KPNA5: variants seen among roughly 807,000 people sequenced by gnomAD.
KPNA5 encodes importin subunit alpha-6.
A neutral mutation model predicts 71.3 loss-of-function variants in KPNA5; 46 were observed. The observed-to-expected ratio is 0.65, with a 90% CI of 0.51 to 0.83. The LOEUF is 0.83. Ranked by LOEUF, KPNA5 falls within the 40% of genes least tolerant of loss-of-function variation. The pLI, the probability that KPNA5 is intolerant of heterozygous loss-of-function variation, is 0.00. For missense variants in KPNA5, 547 were observed against 628.3 expected (o/e 0.87, Z 1.38); for synonymous variants, 207 against 201.4 (o/e 1.03, Z -0.24).
chr6:116,718,644 G>A (rs1356219727), intron 8 of KPNA5, among the ~76,000 whole-genome samples: 2 of 151,984 alleles, frequency 1.3e-5, no homozygotes, highest in Non-Finnish European at 2.9e-5. Context: ...GTTTACTTAT[G>A]TGTTCCAAAC....
In KPNA5 at chr6:116,740,332, A is replaced by C. The variant is rs1779826508; in HGVS notation, c.*8009A>C. The C allele has an allele frequency of 6.6e-6, 1 of 152,314 alleles. No individual in the cohort carries two copies. The highest frequency in any genetic ancestry group is 2.4e-5 in the African/African-American group (1 of 41,576). The allele number at this position is 152,314 out of a possible 1,614,324, so 9.4% of individuals were successfully genotyped here. A position where few individuals can be genotyped will look rare whatever the true frequency, so the allele number is the denominator to read the frequency against. On this transcript the variant is annotated 3_prime_UTR_variant, in exon 14 of 14. Coordinates refer to ENST00000368564, the MANE Select transcript of KPNA5 (RefSeq NM_001366306.2). ...CCAGTCAGAATGGCAATCATTAAAA[A>C]GTCAGGAAACAACAGGTGCTGGAGA...
chr6:116,683,840 A>G (rs1191878248), intron 1 of KPNA5, among the ~76,000 whole-genome samples: 1 of 131,682 alleles, frequency 7.6e-6, no homozygotes, highest in Non-Finnish European at 1.6e-5. Context: ...CTTGTGATCC[A>G]CCTGCCTCGG....
At chr6:116,694,090 G>A (rs1207530821) in intron 4 of KPNA5, among the ~76,000 whole-genome samples, 1 of 152,010 alleles carries the variant, frequency 6.6e-6, no homozygotes, top group African/African-American at 2.4e-5. Context: ...TGTTCCATTG[G>A]TCTATATCTC....
Position 116,692,275 on chromosome 6 carries a change from T to C in KPNA5, c.241-18T>C. On this transcript the variant is annotated intron_variant, in intron 3 of 13. Transcript: ENST00000368564. ...AAAATATGTAAATGTTAATTATATT[T>C]TTGTGTGTGTGTTTTAGGAAGAAGT... The C allele has an allele frequency of 6.6e-7, 1 of 1,505,596 alleles. No homozygotes were observed. Among genetic ancestry groups the C allele is most frequent in the Non-Finnish European group, 9.1e-7 (1 of 1,097,008 alleles). 93.3% of individuals were successfully genotyped at this position (1,505,596 alleles called of 1,614,324 possible). A position where few individuals can be genotyped will look rare whatever the true frequency, so the allele number is the denominator to read the frequency against.
intron 4 of KPNA5, among the ~76,000 whole-genome samples, chr6:116,695,995 C>T (rs1778013054): frequency 6.6e-6 from 1 of 152,082 alleles, no homozygotes; most frequent in Admixed American, 6.6e-5. Context: ...TTCTTACCCC[C>T]ATTCTAGGAA....
intron 12 of KPNA5, among the ~76,000 whole-genome samples, chr6:116,727,708 AATAG>A (rs1392532206): frequency 6.6e-6 from 1 of 152,114 alleles, no homozygotes; most frequent in African/African-American, 2.4e-5. Flanking sequence ...ATTAATAACT[AATAG>A]ATAATTAAGA....
chr6:116,724,149 C>A, intron 9 of KPNA5, 148 bp from the exon 10 acceptor site: 1 of 545,664 alleles, frequency 1.8e-6, no homozygotes, highest in African/African-American at 1.9e-5. Flanking sequence ...GGATTAGATC[C>A]TTTGTTATAA....
intron 10 of KPNA5, 64 bp downstream of exon 10, chr6:116,724,439 T>A: frequency 9.5e-7 from 1 of 1,057,244 alleles, no homozygotes; most frequent in Non-Finnish European, 1.5e-6. Context: ...TTATGTTTCA[T>A]ACAACTTGAT....
In KPNA5 at chr6:116,733,159, G is replaced by A. The variant is rs1212845682; in HGVS notation, c.*836G>A. ...TTTTAAAGAGCATCATGACAGAGAT[G>A]TCATCATGAATCTAAAGTAGTGCTG... is the stretch of plus-strand genomic sequence containing the variant. On this transcript the variant is annotated 3_prime_UTR_variant, in exon 14 of 14. Coordinates refer to ENST00000368564, the MANE Select transcript of KPNA5 (RefSeq NM_001366306.2). The A allele has an allele frequency of 6.6e-6, 1 of 151,694 alleles. No individual in the cohort carries two copies. The highest frequency in any genetic ancestry group is 1.5e-5 in the Non-Finnish European group (1 of 67,734). 9.4% of individuals were successfully genotyped at this position (151,694 alleles called of 1,614,324 possible). A position where few individuals can be genotyped will look rare whatever the true frequency, so the allele number is the denominator to read the frequency against.
intron 7 of KPNA5, among the ~76,000 whole-genome samples, chr6:116,715,838 C>G (rs1778864421): frequency 6.6e-6 from 1 of 151,792 alleles, no homozygotes; most frequent in African/African-American, 2.4e-5. Context: ...ATCGCTTGAC[C>G]CAGGGGGCAG....
In KPNA5 at chr6:116,732,435, A is replaced by T. The variant is rs145292995; in HGVS notation, c.*112A>T. On this transcript the variant is annotated 3_prime_UTR_variant, in exon 14 of 14. Coordinates refer to ENST00000368564, the MANE Select transcript of KPNA5 (RefSeq NM_001366306.2). ...TACATAGAACAGTAAAGAGAATTTG[A>T]TGCACTTTTAGAAAGCAAAATGAAA... The T allele has an allele frequency of 6.0e-6, 3 of 503,786 alleles. No individual in the cohort carries two copies. Among genetic ancestry groups the T allele is most frequent in the Non-Finnish European group, 9.6e-6 (3 of 312,718 alleles). The allele number at this position is 503,786 out of a possible 1,614,324, so 31.2% of individuals were successfully genotyped here.
chr6:116,694,107 G>A (rs1334827095), intron 4 of KPNA5, among the ~76,000 whole-genome samples: 2 of 152,064 alleles, frequency 1.3e-5, no homozygotes, highest in Non-Finnish European at 2.9e-5. Flanking sequence ...TCTCTGTTTT[G>A]GTACCAGTAC....
chr6:116,711,231 C>G (rs1243478430), intron 7 of KPNA5, among the ~76,000 whole-genome samples: 1 of 147,892 alleles, frequency 6.8e-6, no homozygotes, highest in Non-Finnish European at 1.5e-5. Context: ...TTTTGTCCAT[C>G]TAGATAAAGG....
rs765291108 is a variant in KPNA5 at position 116,692,173 on chromosome 6, T to G, written c.240+17T>G. On this transcript the variant is annotated intron_variant, in intron 3 of 13. Transcript: ENST00000368564. ...ATTCCAGAGGTATACTTTACCAAAA[T>G]ATGTTTCAAATTATACCTCAATAAT... The G allele has an allele frequency of 6.5e-7, 1 of 1,544,204 alleles. No individual in the cohort carries two copies. Among genetic ancestry groups the G allele is most frequent in the African/African-American group, 1.4e-5 (1 of 73,112 alleles).
At chr6:116,712,623 G>A (rs1384335171) in intron 7 of KPNA5, among the ~76,000 whole-genome samples, 7 of 151,954 alleles carry the variant, frequency 4.6e-5, no homozygotes, top group Admixed American at 2.6e-4. Flanking sequence ...TACTTTTGCC[G>A]TTTTACTATT....
At chr6:116,682,423 A>C (rs1009671070) in intron 1 of KPNA5, among the ~76,000 whole-genome samples, 1 of 152,194 alleles carries the variant, frequency 6.6e-6, no homozygotes, top group Non-Finnish European at 1.5e-5. Flanking sequence ...TTATCTCTCA[A>C]TTACAACACC....
chr6:116,730,160 C>A (rs1342877299), intron 13 of KPNA5, among the ~76,000 whole-genome samples: 1 of 146,484 alleles, frequency 6.8e-6, no homozygotes, highest in Non-Finnish European at 1.5e-5. Context: ...GGTCTTGGCT[C>A]ACTGAAACCT....
chr6:116,690,157 ACTC>A (rs1777741509), intron 2 of KPNA5, among the ~76,000 whole-genome samples: 1 of 149,260 alleles, frequency 6.7e-6, no homozygotes. Flanking sequence ...CTGGTATTGA[ACTC>A]CTCGCCTCAA....
chr6:116,692,133 AG>A lies in KPNA5; in HGVS notation c.218del (p.Ser73IlefsTer19). On this transcript the variant is annotated frameshift_variant, in exon 3 of 14. Transcript: ENST00000368564. LOFTEE classifies it high-confidence loss of function. ...LESPIQDPDI[S>X]STVPIPEEEV... The stretch of plus-strand genomic sequence containing the variant: ...AAGTCCTATACAGGATCCAGATATT[AG>A]TTCCACTGTACCCATTCCAGAGGTA... 6.2e-7 allele frequency: 1 copy of A among 1,609,176 alleles called. No individual in the cohort carries two copies. The highest frequency in any genetic ancestry group is 8.5e-7 in the Non-Finnish European group (1 of 1,175,866).
Sources: gnomAD v4.1 joint callset for allele counts (sites outside exome capture counted in the v4.1 genomes callset) on GRCh38, gnomAD v4.1.1 for gene constraint, MANE v1.5 for transcripts, NCBI Gene and HGNC (gene_info 2026-07-23, HGNC 2026-07-21) for gene names.